PLCH1: variants seen among roughly 807,000 people sequenced by gnomAD.
PLCH1 encodes phospholipase C eta 1.
PLCH1 carries 60 observed loss-of-function variants against 126.7 expected under a neutral mutation model. The observed-to-expected ratio is 0.47, with a 90% CI of 0.38 to 0.59. PLCH1 has a LOEUF of 0.59. PLCH1 is among the 20% of genes least tolerant of loss of function. The probability of loss-of-function intolerance (pLI) is 0.00; values close to 1 mark genes in which losing one functional copy is unlikely to be tolerated. For missense variants in PLCH1, 1,723 were observed against 2,040.0 expected, an observed-to-expected ratio of 0.84 and a Z score of 2.99; for synonymous variants, 719 against 734.9, an observed-to-expected ratio of 0.98 and a Z score of 0.35.
At chr3:155,675,354 C>G (rs1743985671) in intron 2 of PLCH1, among the ~76,000 whole-genome samples, 1 of 152,168 alleles carries the variant, frequency 6.6e-6, no homozygotes, top group African/African-American at 2.4e-5. Context: ...AATTCAAGAA[C>G]AATCTCCATA....
chr3:155,635,587 T>C (rs1368171597), intron 2 of PLCH1, among the ~76,000 whole-genome samples: 7 of 152,244 alleles, frequency 4.6e-5, no homozygotes, highest in Non-Finnish European at 1.0e-4. Context: ...GTACACCTTA[T>C]TTTTGTGACA....
At chr3:155,506,440 G>A (rs1718734607) in intron 12 of PLCH1, among the ~76,000 whole-genome samples, 1 of 149,960 alleles carries the variant, frequency 6.7e-6, no homozygotes, top group Admixed American at 6.7e-5. Flanking sequence ...CCATGCTGGT[G>A]CGCTGCACCC....
chr3:155,655,429 G>GA (rs369403290), intron 2 of PLCH1, among the ~76,000 whole-genome samples: 23,168 of 145,224 alleles, frequency 0.16, 2,135 homozygotes, highest in East Asian at 0.41. Flanking sequence ...AGAAACTTGT[G>GA]AGAAAAAAAA....
chr3:155,743,118 C>T (rs74886868), intron 1 of PLCH1: 6,523 of 288,590 alleles, frequency 0.023, 151 homozygotes, highest in East Asian at 0.084. Context: ...AAGAAGCTAC[C>T]GCTCCTTCTA....
At chr3:155,730,439 C>G (rs550568075) in intron 1 of PLCH1, among the ~76,000 whole-genome samples, 34 of 152,020 alleles carry the variant, frequency 2.2e-4, no homozygotes, top group Non-Finnish European at 4.7e-4. Context: ...CCGCACCACG[C>G]CCAGCTAATT....
In PLCH1 at chr3:155,485,482, T is replaced by A. The variant is rs1449720679; in HGVS notation, c.2848A>T (p.Arg950Trp). The change falls in exon 22 of 23, where the codon AGG becomes TGG. Residue 950 changes from arginine (R) to tryptophan (W), a missense_variant. This residue lies in a region of PLCH1 where 947 missense variants were observed against 977.1 expected (regional missense o/e 0.97). Coordinates refer to ENST00000460012, the MANE Select transcript of PLCH1 (RefSeq NM_014996.4). ...EATRDQDGVLRRTTRSLQARP... is the reference protein window; with the variant it reads ...EATRDQDGVLWRTTRSLQARP... ...GCTTGCAAACTGCGTGTGGTCCTCCTCAGCACGCCATCTTGATCTCTTGTG... is the reference window on the plus strand; with the variant it reads ...GCTTGCAAACTGCGTGTGGTCCTCCACAGCACGCCATCTTGATCTCTTGTG... The A allele has an allele frequency of 6.2e-7, 1 of 1,614,120 alleles. No individual in the cohort carries two copies. Among genetic ancestry groups the A allele is most frequent in the Non-Finnish European group, 8.5e-7 (1 of 1,179,948 alleles).
intron 2 of PLCH1, among the ~76,000 whole-genome samples, chr3:155,650,522 T>C (rs1245777276): frequency 6.6e-6 from 1 of 152,064 alleles, no homozygotes; most frequent in Non-Finnish European, 1.5e-5. Flanking sequence ...GTCACTGAAC[T>C]GGAATAAGCC....
chr3:155,474,093 A>G (rs929872352), intron 21 of PLCH1, among the ~76,000 whole-genome samples: 20 of 152,290 alleles, frequency 1.3e-4, no homozygotes, highest in African/African-American at 4.3e-4. Flanking sequence ...AATTAAACTA[A>G]AGAGCTTCTG....
intron 10 of PLCH1, among the ~76,000 whole-genome samples, chr3:155,526,460 C>T (rs1721937700): frequency 7.0e-6 from 1 of 142,830 alleles, no homozygotes; most frequent in African/African-American, 2.6e-5. Flanking sequence ...TCTCTCTTCT[C>T]TCTTTCTCTC....
intron 21 of PLCH1, among the ~76,000 whole-genome samples, chr3:155,458,149 C>T (rs1273117510): frequency 1.3e-5 from 2 of 151,936 alleles, no homozygotes. Context: ...CAAGACCACC[C>T]TGGCCAACAT....
At chr3:155,483,863 A>G (rs1156835628) in intron 22 of PLCH1, among the ~76,000 whole-genome samples, 1 of 152,222 alleles carries the variant, frequency 6.6e-6, no homozygotes, top group Non-Finnish European at 1.5e-5. Context: ...TCAATTCTTC[A>G]TCAGATTATT....
intron 6 of PLCH1, among the ~76,000 whole-genome samples, chr3:155,579,809 T>C (rs1374763983): frequency 6.6e-6 from 1 of 152,134 alleles, no homozygotes; most frequent in African/African-American, 2.4e-5. Context: ...CCACCTGGAA[T>C]TACTGAGGGA....
intron 2 of PLCH1, among the ~76,000 whole-genome samples, chr3:155,607,212 C>T (rs988383666): frequency 1.8e-4 from 27 of 151,898 alleles, no homozygotes; most frequent in African/African-American, 6.3e-4. Context: ...GTCTAAAATG[C>T]GAAAGAGAAA....
intron 10 of PLCH1, among the ~76,000 whole-genome samples, chr3:155,533,727 T>A (rs1380066910): frequency 5.3e-5 from 8 of 152,086 alleles, no homozygotes; most frequent in Admixed American, 6.5e-5. Context: ...GAGGCCTAGG[T>A]AGAAAAAATG....
intron 1 of PLCH1, among the ~76,000 whole-genome samples, chr3:155,732,532 A>C (rs2109182016): frequency 6.6e-6 from 1 of 152,114 alleles, no homozygotes; most frequent in East Asian, 1.9e-4. Flanking sequence ...AAAAAAAAAA[A>C]AGAACTAATA....
Position 155,741,477 on chromosome 3 carries a change from G to A in PLCH1, c.-41+3363C>T, listed in dbSNP as rs571762985. ...ATGAGGTGGTGAAGGAAAGATGAGA[G>A]TTTCCCTAACCGTCTATGTCCTAGG... On this transcript the variant is annotated intron_variant, in intron 1 of 22. Coordinates refer to ENST00000460012, the MANE Select transcript of PLCH1 (RefSeq NM_014996.4). Among the ~76,000 whole-genome samples, 5 of 152,240 alleles carry A rather than the reference G, an allele frequency of 3.3e-5. No homozygotes were observed. The South Asian group carries it at 1.0e-3, about 32-fold the overall frequency.
At chr3:155,640,002 C>T (rs909973262) in intron 2 of PLCH1, among the ~76,000 whole-genome samples, 10 of 152,356 alleles carry the variant, frequency 6.6e-5, no homozygotes, top group Admixed American at 3.3e-4. Context: ...CTTTCTGAGG[C>T]CTCCTCAGCC....
intron 2 of PLCH1, among the ~76,000 whole-genome samples, chr3:155,678,173 G>A (rs557889436): frequency 6.6e-6 from 1 of 152,168 alleles, no homozygotes; most frequent in Non-Finnish European, 1.5e-5. Context: ...TTTACCCACT[G>A]GGAGTCTTGC....
chr3:155,503,537 C>CTTTTTTTTTTTTTTTTTT (rs57141788), intron 13 of PLCH1, among the ~76,000 whole-genome samples: 1 of 144,400 alleles, frequency 6.9e-6, no homozygotes. Flanking sequence ...TTACTTCTGT[C>CTTTTTTTTTTTTTTTTTT]TTTTTTTTTT....
Sources: gnomAD v4.1 joint callset for allele counts (sites outside exome capture counted in the v4.1 genomes callset) on GRCh38, gnomAD v4.1.1 for gene constraint, gnomAD v4.1.1 regional missense constraint, MANE v1.5 for transcripts, NCBI Gene and HGNC (gene_info 2026-07-23, HGNC 2026-07-21) for gene names.